Variants in SH2B2 observed in about 807,000 individuals in gnomAD.
SH2B2 encodes the protein SH2B adaptor protein 2.
SH2B2 carries 37 observed loss-of-function variants against 35.7 expected under a neutral mutation model. The ratio of observed to expected loss-of-function variants is 1.04; its 90% CI spans 0.80 to 1.36. The LOEUF (loss-of-function observed/expected upper bound fraction) is 1.36, where lower values mean the gene tolerates loss of function less well. Ranked by LOEUF, SH2B2 falls within the 40% of genes most tolerant of loss-of-function variation. The pLI, the probability that SH2B2 is intolerant of heterozygous loss-of-function variation, is 0.00. For missense variants in SH2B2, 852 were observed against 817.7 expected (o/e 1.04, Z -0.51); for synonymous variants, 383 against 376.4 (o/e 1.02, Z -0.20).
chr7:102,306,598 C>A, intron 2 of SH2B2, 123 bp from the exon 3 acceptor site: 1 of 709,680 alleles, frequency 1.4e-6, no homozygotes. Flanking sequence ...ATTGGGATAC[C>A]TCTGTACCAG....
chr7:102,302,956 G>A (rs917114847), intron 2 of SH2B2, among the ~76,000 whole-genome samples: 1 of 152,150 alleles, frequency 6.6e-6, no homozygotes, highest in Non-Finnish European at 1.5e-5. Flanking sequence ...ACTGGGGGCC[G>A]AGCGCGGTGG....
intron 2 of SH2B2, among the ~76,000 whole-genome samples, chr7:102,305,159 GC>G (rs1554554616): frequency 2.0e-5 from 3 of 152,230 alleles, no homozygotes. Flanking sequence ...TGAGTCGGGG[GC>G]TCCAGGCCCT....
Position 102,301,006 on chromosome 7 carries a change from G to A in SH2B2, c.456G>A (p.Trp152Ter), listed in dbSNP as rs1185867304. 4 of 1,420,222 alleles carry A rather than the reference G, an allele frequency of 2.8e-6. No homozygotes were observed. Among genetic ancestry groups the A allele is most frequent in the South Asian group, 1.4e-5 (1 of 71,444 alleles). The allele number at this position is 1,420,222 out of a possible 1,614,324, so 88.0% of individuals were successfully genotyped here. ...LCVVDGVRDM[W>*]HRRASPEPDA... The stretch of plus-strand genomic sequence containing the variant: ...TGGTGGACGGCGTGCGCGACATGTG[G>A]CACCGGCGCGCCTCGCCCGAGCCCG... The change falls in exon 2 of 9, where the codon TGG (tryptophan) becomes TGA (stop). Residue 152 changes from tryptophan to a stop codon, truncating the protein, a stop_gained. Coordinates refer to ENST00000444095, the MANE Select transcript of SH2B2 (RefSeq NM_001359228.2). LOFTEE classifies it high-confidence loss of function.
intron 6 of SH2B2, among the ~76,000 whole-genome samples, chr7:102,315,361 C>T (rs1793783093): frequency 6.6e-6 from 1 of 151,896 alleles, no homozygotes; most frequent in Non-Finnish European, 1.5e-5. Context: ...ACAAGAGTCT[C>T]ACTTTGTTGC....
chr7:102,315,272 G>T (rs1293150592), intron 6 of SH2B2, among the ~76,000 whole-genome samples: 1 of 152,050 alleles, frequency 6.6e-6, no homozygotes, highest in East Asian at 1.9e-4. Flanking sequence ...GTTTTTTGAG[G>T]CTGAGGATCA....
At chr7:102,306,960 G>C in intron 3 of SH2B2, 138 bp downstream of exon 3, 1 of 688,002 alleles carries the variant, frequency 1.5e-6, no homozygotes. Context: ...GGTGTGGGGG[G>C]TTCCCAGACC....
chr7:102,308,080 C>T (rs1037054381), intron 3 of SH2B2, among the ~76,000 whole-genome samples: 19 of 152,260 alleles, frequency 1.2e-4, no homozygotes, highest in African/African-American at 4.1e-4. Flanking sequence ...CCAGCAACTG[C>T]ATTTTGACAG....
At chr7:102,289,905 A>C (rs1792607971) in intron 1 of SH2B2, among the ~76,000 whole-genome samples, 1 of 152,144 alleles carries the variant, frequency 6.6e-6, no homozygotes, top group South Asian at 2.1e-4. Context: ...AGCTGGAACC[A>C]GCTCAGCCTG....
chr7:102,309,257 G>A (rs545847837), intron 4 of SH2B2: 93 of 447,874 alleles, frequency 2.1e-4, no homozygotes, highest in Non-Finnish European at 3.6e-4. Context: ...TCACATCTGT[G>A]ACCCCAACAC....
intron 4 of SH2B2, among the ~76,000 whole-genome samples, chr7:102,311,886 G>A (rs1793636623): frequency 6.6e-6 from 1 of 151,798 alleles, no homozygotes; most frequent in Non-Finnish European, 1.5e-5. Context: ...AGACCAGCCT[G>A]GCCAACATGG....
Position 102,315,448 on chromosome 7 carries a change from C to A in SH2B2, c.1186+766C>A, listed in dbSNP as rs1399596045. Among the ~76,000 whole-genome samples, 8 of 152,032 alleles carry A rather than the reference C, an allele frequency of 5.3e-5. No individual in the cohort carries two copies. In the East Asian group the frequency reaches 1.6e-3, roughly 30 times the overall value. On this transcript the variant is annotated intron_variant, in intron 6 of 8. Coordinates refer to ENST00000444095, the MANE Select transcript of SH2B2 (RefSeq NM_001359228.2). Reference sequence around the variant, plus strand: ...AGTCCAAGCAATTCTCACGTCTCAGCCTCCCGAGTAGCTGAGATTACTGGT... The same window carrying A: ...AGTCCAAGCAATTCTCACGTCTCAGACTCCCGAGTAGCTGAGATTACTGGT...
At chr7:102,288,065 A>G in intron 1 of SH2B2, among the ~76,000 whole-genome samples, 1 of 152,136 alleles carries the variant, frequency 6.6e-6, no homozygotes, top group East Asian at 1.9e-4. Context: ...CCTCCTGGCT[A>G]AGGGACCGGC....
chr7:102,288,014 G>C (rs186285301), intron 1 of SH2B2, among the ~76,000 whole-genome samples: 3 of 152,200 alleles, frequency 2.0e-5, no homozygotes, highest in African/African-American at 7.2e-5. Flanking sequence ...ATGCCCCCGA[G>C]CCAACATCAC....
Position 102,300,791 on chromosome 7 carries a change from C to T in SH2B2, c.241C>T (p.Leu81=). 1 of 1,510,558 alleles carries T rather than the reference C, an allele frequency of 6.6e-7. No individual in the cohort carries two copies. Among genetic ancestry groups the T allele is most frequent in the Non-Finnish European group, 8.9e-7 (1 of 1,124,500 alleles). The allele number at this position is 1,510,558 out of a possible 1,614,324, so 93.6% of individuals were successfully genotyped here. A position where few individuals can be genotyped will look rare whatever the true frequency, so the allele number is the denominator to read the frequency against. Residue 81 remains leucine (L), a synonymous_variant, in exon 2 of 9, where the codon CTG becomes TTG. Transcript: ENST00000444095. ...DVFGEEVRRV[L]VAGPTTRGAA... ...CTTCGGCGAGGAGGTGCGCCGCGTG[C>T]TGGTGGCTGGGCCGACGACTCGGGG...
At chr7:102,285,405 C>T, upstream of SH2B2, 1 of 660,596 alleles carries the variant, frequency 1.5e-6, no homozygotes, top group Non-Finnish European at 2.7e-6. Context: ...GGTTCCCAAC[C>T]AGGCGTGCAG....
At chr7:102,291,443 G>T (rs1421012779) in intron 1 of SH2B2, among the ~76,000 whole-genome samples, 1 of 152,188 alleles carries the variant, frequency 6.6e-6, no homozygotes, top group Non-Finnish European at 1.5e-5. Context: ...GCTCAGAACA[G>T]CCAAGACCAC....
At position 102,301,013 on chromosome 7, in the gene SH2B2, C is replaced by A. The variant is rs1793154447; in HGVS notation, c.463C>A (p.Arg155Ser). 1.4e-6 allele frequency: 2 copies of A among 1,405,488 alleles called. No individual in the cohort carries two copies. Among genetic ancestry groups the A allele is most frequent in the African/African-American group, 1.5e-5 (1 of 65,812 alleles). The allele number at this position is 1,405,488 out of a possible 1,614,324, so 87.1% of individuals were successfully genotyped here. The change falls in exon 2 of 9, where the codon CGC (arginine) becomes AGC (serine). Residue 155 changes from arginine (R) to serine (S), a missense_variant. Arg to Ser is a moderately radical substitution (Grantham distance 110). Coordinates refer to ENST00000444095, the MANE Select transcript of SH2B2 (RefSeq NM_001359228.2). ...CGGCGTGCGCGACATGTGGCACCGG[C>A]GCGCCTCGCCCGAGCCCGACGCGGC... ...VDGVRDMWHR[R>S]ASPEPDAAAA...
intron 1 of SH2B2, among the ~76,000 whole-genome samples, chr7:102,293,938 G>T (rs1382462769): frequency 6.6e-6 from 1 of 152,140 alleles, no homozygotes; most frequent in Non-Finnish European, 1.5e-5. Flanking sequence ...TAGGAGGAGA[G>T]CTGACCACCA....
intron 2 of SH2B2, among the ~76,000 whole-genome samples, chr7:102,301,498 G>T (rs1793189288): frequency 6.6e-6 from 1 of 151,980 alleles, no homozygotes; most frequent in African/African-American, 2.4e-5. Context: ...GGGTCCTCTG[G>T]CTACACCAAA....
Sources: allele counts gnomAD v4.1 joint callset (sites outside exome capture counted in the v4.1 genomes callset), GRCh38; gene constraint gnomAD v4.1.1; transcripts MANE v1.5; gene names NCBI Gene and HGNC (gene_info 2026-07-23, HGNC 2026-07-21).